Variants in CFAP61 observed in about 807,000 individuals in gnomAD.
CFAP61 encodes cilia and flagella associated protein 61.
A neutral mutation model predicts 135.6 loss-of-function variants in CFAP61; 107 were observed. The observed-to-expected ratio is 0.79, with a 90% CI of 0.67 to 0.93. The LOEUF (loss-of-function observed/expected upper bound fraction) is 0.93. Among genes scored for constraint, CFAP61 ranks in the 40% least tolerant of loss-of-function variants. The probability of loss-of-function intolerance (pLI) is 0.00; values close to 1 mark genes in which losing one functional copy is unlikely to be tolerated. For synonymous variants in CFAP61, 575 were observed against 578.5 expected, an observed-to-expected ratio of 0.99 and a Z score of 0.09; for missense variants, 1,507 against 1,556.2, an observed-to-expected ratio of 0.97 and a Z score of 0.53.
chr20:20,323,080 G>C (rs1470431998), intron 25 of CFAP61: 1 of 985,282 alleles, frequency 1.0e-6, no homozygotes, highest in Admixed American at 6.1e-5. Context: ...GCTGCCCTGG[G>C]GCCTAGCCCC....
chr20:20,153,502 C>T (rs977451835), intron 9 of CFAP61, among the ~76,000 whole-genome samples: 2 of 151,938 alleles, frequency 1.3e-5, no homozygotes, highest in African/African-American at 4.8e-5. Context: ...GAGAGAAGAT[C>T]CAAATAGCCT....
At chr20:20,193,474 C>T (rs894493808) in intron 15 of CFAP61, among the ~76,000 whole-genome samples, 5 of 151,354 alleles carry the variant, frequency 3.3e-5, no homozygotes, top group Non-Finnish European at 5.9e-5. Context: ...TCCAATATTT[C>T]TTGGAGTTAG....
chr20:20,156,039 T>A (rs552087014), intron 9 of CFAP61, among the ~76,000 whole-genome samples: 1 of 151,382 alleles, frequency 6.6e-6, no homozygotes, highest in Non-Finnish European at 1.5e-5. Context: ...CAACATAGAG[T>A]CTTTTATCTG....
chr20:20,290,575 T>C (rs1370607829), intron 24 of CFAP61, among the ~76,000 whole-genome samples, 184 bp downstream of exon 24: 1 of 152,234 alleles, frequency 6.6e-6, no homozygotes, highest in African/African-American at 2.4e-5. Flanking sequence ...TGCCCTTGTG[T>C]GGCTCCTCCC....
intron 8 of CFAP61, among the ~76,000 whole-genome samples, chr20:20,105,978 C>T (rs947232332): frequency 1.9e-4 from 25 of 131,098 alleles, no homozygotes; most frequent in African/African-American, 6.0e-4. Flanking sequence ...GCAACATCTT[C>T]GAAAGCTTTA....
intron 24 of CFAP61, among the ~76,000 whole-genome samples, chr20:20,296,823 A>G (rs944930626): frequency 6.6e-6 from 1 of 152,154 alleles, no homozygotes; most frequent in African/African-American, 2.4e-5. Flanking sequence ...CCTGTTATGA[A>G]ATATATTTTA....
chr20:20,161,826 G>A (rs886510287), intron 10 of CFAP61, among the ~76,000 whole-genome samples: 1 of 152,174 alleles, frequency 6.6e-6, no homozygotes, highest in Non-Finnish European at 1.5e-5. Flanking sequence ...ACAAGTAAGT[G>A]GAATTCTCCA....
At chr20:20,171,126 A>G (rs894357304) in intron 13 of CFAP61, among the ~76,000 whole-genome samples, 1 of 152,050 alleles carries the variant, frequency 6.6e-6, no homozygotes, top group Non-Finnish European at 1.5e-5. Context: ...CACCCCACAT[A>G]TTGTTTCTCG....
chr20:20,334,315 C>CG (rs2058098608), intron 25 of CFAP61, among the ~76,000 whole-genome samples: 1 of 152,050 alleles, frequency 6.6e-6, no homozygotes, highest in Non-Finnish European at 1.5e-5. Flanking sequence ...TTTGTAGAGA[C>CG]GGGGTTTCGC....
intron 9 of CFAP61, among the ~76,000 whole-genome samples, chr20:20,148,233 A>T (rs2052070314): frequency 6.6e-6 from 1 of 152,158 alleles, no homozygotes; most frequent in Non-Finnish European, 1.5e-5. Context: ...TTGGCTATGC[A>T]GGCTCTTTTA....
chr20:20,355,755 A>G (rs1369271475), intron 26 of CFAP61, among the ~76,000 whole-genome samples: 3 of 124,956 alleles, frequency 2.4e-5, no homozygotes, highest in African/African-American at 3.3e-5. Flanking sequence ...TGACACTATG[A>G]GCAGAGATGG....
intron 2 of CFAP61, 112 bp from the exon 3 acceptor site, chr20:20,070,742 T>C: frequency 1.1e-6 from 1 of 878,020 alleles, no homozygotes; most frequent in Non-Finnish European, 1.7e-6. Context: ...AAAGATTATC[T>C]GACCTCATGC....
At chr20:20,302,203 A>G (rs1463210357) in intron 25 of CFAP61, among the ~76,000 whole-genome samples, 1 of 152,214 alleles carries the variant, frequency 6.6e-6, no homozygotes, top group Non-Finnish European at 1.5e-5. Context: ...TAATTTTAGT[A>G]TGGTTCTGTA....
intron 25 of CFAP61, among the ~76,000 whole-genome samples, chr20:20,299,077 A>T (rs926416253): frequency 1.3e-5 from 2 of 152,154 alleles, no homozygotes; most frequent in Non-Finnish European, 2.9e-5. Flanking sequence ...TGGAATGAAA[A>T]CCATGCAGTT....
At chr20:20,358,123 T>A (rs1446213595) in intron 26 of CFAP61, among the ~76,000 whole-genome samples, 276 of 85,674 alleles carry the variant, frequency 3.2e-3, no homozygotes, top group Non-Finnish European at 4.3e-3. Flanking sequence ...CTGTGAGGGG[T>A]GGTAGTCACA....
At chr20:20,137,683 G>A (rs2051043993) in intron 8 of CFAP61, among the ~76,000 whole-genome samples, 1 of 152,146 alleles carries the variant, frequency 6.6e-6, no homozygotes, top group African/African-American at 2.4e-5. Context: ...GTCCAGAGAT[G>A]CCATTCAAGA....
chr20:20,360,347 T>C lies in CFAP61; in HGVS notation c.3651T>C (p.Thr1217=). ...SIYKTLVERS[T]LDYLHYNRYH... is the part of the protein sequence containing the mutation. ...ACAAAACCCTGGTGGAGAGAAGCAC[T>C]CTTGACTACCTGCACTATAACCGCT... Residue 1217 remains threonine (T), a synonymous_variant, in exon 27 of 27, where the codon ACT becomes ACC. Coordinates refer to ENST00000245957, the MANE Select transcript of CFAP61 (RefSeq NM_015585.4). 2 of 1,613,910 alleles carry C rather than the reference T, an allele frequency of 1.2e-6. No homozygotes were observed. Among genetic ancestry groups the C allele is most frequent in the Non-Finnish European group, 1.7e-6 (2 of 1,180,038 alleles).
intron 2 of CFAP61, among the ~76,000 whole-genome samples, chr20:20,066,357 A>C (rs1449151822): frequency 6.6e-6 from 1 of 152,220 alleles, no homozygotes; most frequent in Admixed American, 6.5e-5. Flanking sequence ...AAATCATTCT[A>C]CTATAAAGAC....
At chr20:20,203,211 C>T (rs1450263119) in intron 17 of CFAP61, among the ~76,000 whole-genome samples, 1 of 152,122 alleles carries the variant, frequency 6.6e-6, no homozygotes, top group South Asian at 2.1e-4. Flanking sequence ...ATTTTCATCA[C>T]ACATTTCAGA....
Sources: allele counts gnomAD v4.1 joint callset (sites outside exome capture counted in the v4.1 genomes callset), GRCh38; gene constraint gnomAD v4.1.1; transcripts MANE v1.5; gene names NCBI Gene and HGNC (gene_info 2026-07-23, HGNC 2026-07-21).